Variants in FBLN2 observed in about 807,000 individuals in gnomAD.
FBLN2 encodes fibulin-2.
Under a neutral mutation model 123.7 loss-of-function variants are expected in FBLN2, and 81 were observed. The ratio of observed to expected loss-of-function variants is 0.65; its 90% confidence interval spans 0.55 to 0.79. The LOEUF (loss-of-function observed/expected upper bound fraction) is 0.79, where lower values mean the gene tolerates loss of function less well. Ranked by LOEUF, FBLN2 falls within the 30% of genes least tolerant of loss-of-function variation. The pLI is 0.00. For missense variants in FBLN2, 1,603 were observed against 1,681.3 expected (o/e 0.95, Z 0.81); for synonymous variants, 699 against 701.4 (o/e 1.00, Z 0.05).
At position 13,578,613 on chromosome 3, in the gene FBLN2, C is replaced by T. The variant is rs528050981; in HGVS notation, c.1306+6952C>T. Among the ~76,000 whole-genome samples, 18 of 152,342 alleles carry T rather than the reference C, an allele frequency of 1.2e-4. No individual in the cohort carries two copies. The South Asian group carries it at 3.1e-3, about 26-fold the overall frequency. ...TCATCTGTTGATGGACATTATTCTT[C>T]CAGCTTTTCAGTATTATGAGTAATG... On this transcript the variant is annotated intron_variant, in intron 2 of 17. Transcript: ENST00000404922.
At chr3:13,609,684 C>CTGAGGACAACGACA in intron 4 of FBLN2, 42 bp downstream of exon 4, 1 of 196,566 alleles carries the variant, frequency 5.1e-6, no homozygotes, top group Non-Finnish European at 9.5e-6. Flanking sequence ...TGGGGTGGGG[C>CTGAGGACAACGACA]GGGGCGGGAG....
rs1309193550 is a variant in FBLN2, at chr3:13,636,354, C to T, written c.3215-91C>T. ...GGGCTATTCTCACAGGTCCGGCTGCCGTGGGGCCCAGGCCTTTCATGCAGG... is the reference window on the plus strand; with the variant it reads ...GGGCTATTCTCACAGGTCCGGCTGCTGTGGGGCCCAGGCCTTTCATGCAGG... On this transcript the variant is annotated intron_variant, in intron 16 of 17. Coordinates refer to ENST00000404922, the MANE Select transcript of FBLN2 (RefSeq NM_001004019.2). 40 of 1,512,018 alleles carry T rather than the reference C, an allele frequency of 2.6e-5. No homozygotes were observed. The Admixed American group carries it at 6.0e-4, about 23-fold the overall frequency. The allele number at this position is 1,512,018 out of a possible 1,614,324, so 93.7% of individuals were successfully genotyped here.
At chr3:13,554,355 C>G (rs1445353873) in intron 1 of FBLN2, among the ~76,000 whole-genome samples, 5 of 152,228 alleles carry the variant, frequency 3.3e-5, no homozygotes, top group Non-Finnish European at 5.9e-5. Context: ...GTTCTTCCCT[C>G]CTTAGCCTGG....
intron 4 of FBLN2, among the ~76,000 whole-genome samples, chr3:13,610,472 G>A (rs1383379951): frequency 6.6e-6 from 1 of 152,192 alleles, no homozygotes; most frequent in Non-Finnish European, 1.5e-5. Context: ...TAACACACAG[G>A]CGAGGACGTT....
intron 2 of FBLN2, among the ~76,000 whole-genome samples, chr3:13,607,746 G>A (rs1705255361): frequency 6.6e-6 from 1 of 152,158 alleles, no homozygotes. Flanking sequence ...TGTGGCCCAC[G>A]TGAGGTCTGA....
At position 13,571,340 on chromosome 3, in the gene FBLN2, A is replaced by T. The variant is rs1703944299; in HGVS notation, c.985A>T (p.Arg329Trp). 6.2e-7 allele frequency: 1 copy of T among 1,609,818 alleles called. No homozygotes were observed. The highest frequency in any genetic ancestry group is 1.3e-5 in the African/African-American group (1 of 74,990). ...GGAGGAGAGGGCAGAAGCTGGGGCA[A>T]GGGCAGAAGCTGGGGCAAGGCCTGA... ...IQEERAEAGA[R>W]AEAGARPEEN... Residue 329 changes from arginine (R) to tryptophan (W), a missense_variant, in exon 2 of 18, where the codon AGG becomes TGG. By Grantham distance (101) the Arg-to-Trp change is moderately radical (BLOSUM62 -3). Coordinates refer to ENST00000404922, the MANE Select transcript of FBLN2 (RefSeq NM_001004019.2).
rs369049857 is a variant in FBLN2 at position 13,629,911 on chromosome 3, G to A, written c.2934G>A (p.Gly978=). Residue 978 remains glycine (G), a synonymous_variant, in exon 14 of 18, where the codon GGG becomes GGA. Transcript: ENST00000404922. ...CCTACCGCTGTTCCTGCGCCTCCGGGTTCCTGCTAGCAGCGGACGGCAAGC... is the reference window on the plus strand; with the variant it reads ...CCTACCGCTGTTCCTGCGCCTCCGGATTCCTGCTAGCAGCGGACGGCAAGC... ...LGSYRCSCAS[G]FLLAADGKRC... 3.1e-6 allele frequency: 5 copies of A among 1,609,470 alleles called. No individual in the cohort carries two copies. The highest frequency in any genetic ancestry group is 1.7e-4 in the Middle Eastern group (1 of 6,058).
At chr3:13,553,452 C>T (rs1262266865) in intron 1 of FBLN2, among the ~76,000 whole-genome samples, 2 of 152,198 alleles carry the variant, frequency 1.3e-5, no homozygotes, top group Non-Finnish European at 2.9e-5. Context: ...GCTCCGTCCA[C>T]CTCCAGGTCC....
At chr3:13,569,195 A>T in intron 1 of FBLN2, 1 of 296,480 alleles carries the variant, frequency 3.4e-6, no homozygotes, top group Non-Finnish European at 4.9e-6. Context: ...CTTGTGCAAG[A>T]TGAGAGGGGA....
chr3:13,626,888 A>G (rs1706061537), intron 10 of FBLN2, among the ~76,000 whole-genome samples: 2 of 152,098 alleles, frequency 1.3e-5, no homozygotes, highest in Admixed American at 6.5e-5. Flanking sequence ...CCTGGTTTGT[A>G]CATTGAGGTG....
chr3:13,631,504 C>T (rs1247060664), intron 16 of FBLN2, 47 bp downstream of exon 16: 2 of 1,542,200 alleles, frequency 1.3e-6, no homozygotes, highest in Non-Finnish European at 8.8e-7. Context: ...GGGCCTTGGG[C>T]AGGCTCCAAG....
intron 9 of FBLN2, among the ~76,000 whole-genome samples, chr3:13,623,238 G>A (rs115903181): frequency 0.017 from 2,558 of 152,284 alleles, 73 homozygotes; most frequent in African/African-American, 0.058. Context: ...CTGGGAAGGC[G>A]GATCCCACCA....
rs751401986 is a variant in FBLN2, at chr3:13,570,430, C to G, written c.75C>G (p.Ala25=). The change falls in exon 2 of 18, where the codon GCC becomes GCG. Residue 25 remains alanine, a synonymous_variant. Transcript: ENST00000404922. ...GLALALGPSV[A]AAAPRQDCTG... ...CCCTGGCCCTGGGCCCCAGCGTGGC[C>G]GCAGCTGCCCCTCGGCAGGACTGCA... 1.3e-6 allele frequency: 2 copies of G among 1,573,228 alleles called. No homozygotes were observed. Among genetic ancestry groups the G allele is most frequent in the African/African-American group, 1.3e-5 (1 of 74,300 alleles).
At chr3:13,606,717 T>A (rs535434020) in intron 2 of FBLN2, among the ~76,000 whole-genome samples, 10 of 152,332 alleles carry the variant, frequency 6.6e-5, no homozygotes, top group Admixed American at 6.5e-4. Context: ...AGTGGAATGA[T>A]CTCAGCTCAC....
At chr3:13,568,826 C>G in intron 1 of FBLN2, 1 of 985,650 alleles carries the variant, frequency 1.0e-6, no homozygotes, top group Non-Finnish European at 1.2e-6. Context: ...ATTATCTGCC[C>G]CTCCACCCCT....
intron 3 of FBLN2, among the ~76,000 whole-genome samples, chr3:13,608,880 C>T (rs1705294212): frequency 6.8e-6 from 1 of 146,904 alleles, no homozygotes; most frequent in African/African-American, 2.7e-5. Context: ...CACTCTGCTT[C>T]CTATAAAAAA....
At chr3:13,635,420 C>A (rs1706426754) in intron 16 of FBLN2, among the ~76,000 whole-genome samples, 1 of 152,138 alleles carries the variant, frequency 6.6e-6, no homozygotes, top group Non-Finnish European at 1.5e-5. Context: ...CCCTACCCCA[C>A]CCCTGCTTCT....
At chr3:13,560,290 C>T (rs1703568711) in intron 1 of FBLN2, among the ~76,000 whole-genome samples, 2 of 151,968 alleles carry the variant, frequency 1.3e-5, no homozygotes, top group South Asian at 2.1e-4. Context: ...CCTGGCTGTT[C>T]CACTTGAAAG....
At chr3:13,609,410 C>A in intron 3 of FBLN2, 103 bp from the exon 4 acceptor site, 2 of 1,340,414 alleles carry the variant, frequency 1.5e-6, no homozygotes, top group Non-Finnish European at 2.0e-6. Context: ...GGCTCCCTTG[C>A]TGTGGACCTT....
Sources: allele counts gnomAD v4.1 joint callset (sites outside exome capture counted in the v4.1 genomes callset), GRCh38; gene constraint gnomAD v4.1.1; transcripts MANE v1.5; gene names NCBI Gene and HGNC (gene_info 2026-07-23, HGNC 2026-07-21).